Variants in PTPRN2 observed in about 807,000 individuals in gnomAD.
PTPRN2 encodes the protein receptor-type tyrosine-protein phosphatase N2.
Under a neutral mutation model 118.8 loss-of-function variants are expected in PTPRN2, and 74 were observed. That is an observed-to-expected ratio of 0.62 (90% CI 0.52 to 0.76). The LOEUF (loss-of-function observed/expected upper bound fraction) is 0.76, where lower values mean the gene tolerates loss of function less well. Ranked by LOEUF, PTPRN2 falls within the 30% of genes least tolerant of loss-of-function variation. The pLI, the probability that PTPRN2 is intolerant of heterozygous loss-of-function variation, is 0.00. For synonymous variants in PTPRN2, 641 were observed against 608.0 expected, an observed-to-expected ratio of 1.05 and a Z score of -0.80; for missense variants, 1,481 against 1,394.4, an observed-to-expected ratio of 1.06 and a Z score of -0.99.
chr7:157,697,764 C>T (rs1438632800), intron 12 of PTPRN2, among the ~76,000 whole-genome samples: 1 of 144,238 alleles, frequency 6.9e-6, no homozygotes, highest in Admixed American at 6.9e-5. Context: ...CCCATGCATA[C>T]TGGATCTTGG....
rs909526053 is a variant in PTPRN2 at position 157,629,356 on chromosome 7, G to C, written c.2197-7847C>G. Among the ~76,000 whole-genome samples the C allele has an allele frequency of 6.6e-6, 1 of 152,070 alleles. No homozygotes were observed. The highest frequency in any genetic ancestry group is 1.5e-5 in the Non-Finnish European group (1 of 68,016). Reference sequence around the variant, plus strand: ...TTATTTTGGCATCTATCTGTTGGCTGTAACAATGAAGAAGTGAGATACTGA... The same window carrying C: ...TTATTTTGGCATCTATCTGTTGGCTCTAACAATGAAGAAGTGAGATACTGA... On this transcript the variant is annotated intron_variant, in intron 14 of 22. Coordinates refer to ENST00000389418, the MANE Select transcript of PTPRN2 (RefSeq NM_002847.5). This position sits in a 1 kb window ranked among gnomAD's most constrained non-coding sequence, Gnocchi z 4.4.
intron 9 of PTPRN2, among the ~76,000 whole-genome samples, chr7:158,118,667 A>T (rs1816916262): frequency 6.6e-6 from 1 of 152,212 alleles, no homozygotes; most frequent in Non-Finnish European, 1.5e-5. Flanking sequence ...AGGGATATCT[A>T]TTTGCATTAA....
In PTPRN2 at chr7:158,093,796, A is replaced by G. The variant is rs1814405089; in HGVS notation, c.1644-12419T>C. On this transcript the variant is annotated intron_variant, in intron 10 of 22. Transcript: ENST00000389418. This position sits in a 1 kb window ranked among gnomAD's most constrained non-coding sequence, Gnocchi z 4.4. ...GAGGCAATAACTTCCCAAAATATCT[A>G]GCCTAAGAGCTTACAAAGGAGGAAG... 6.6e-6 allele frequency among the ~76,000 whole-genome samples: 1 copy of G among 152,196 alleles called. No individual in the cohort carries two copies. The highest frequency in any genetic ancestry group is 6.5e-5 in the Admixed American group (1 of 15,280).
chr7:157,540,722 G>C lies in PTPRN2; in HGVS notation c.3040C>G (p.Pro1014Ala). 6.4e-7 allele frequency: 1 copy of C among 1,563,708 alleles called. No individual in the cohort carries two copies. Residue 1014 changes from proline (P) to alanine (A), a missense_variant, in exon 23 of 23, where the codon CCC becomes GCC. Pro to Ala is a conservative substitution (Grantham distance 27). Coordinates refer to ENST00000389418, the MANE Select transcript of PTPRN2 (RefSeq NM_002847.5). ...EEVNAILKAL[P>A]Q ...GCCCCTGAGGCTGCCGCTCACTGGG[G>C]AAGGGCCTTGAGGATGGCGTTCACC...
At position 158,525,393 on chromosome 7, in the gene PTPRN2, G is replaced by A. The variant is rs1005069061; in HGVS notation, c.113-35608C>T. On this transcript the variant is annotated intron_variant, in intron 1 of 22. Transcript: ENST00000389418. This position sits in a 1 kb window ranked among gnomAD's most constrained non-coding sequence, Gnocchi z 4.1. ...CTAGGCCCCAGGGGCCATGGGCTACGCACGGGCCAGGTTTCCAGCCTGCCA... is the reference window on the plus strand; with the variant it reads ...CTAGGCCCCAGGGGCCATGGGCTACACACGGGCCAGGTTTCCAGCCTGCCA... 5.3e-5 allele frequency among the ~76,000 whole-genome samples: 8 copies of A among 152,214 alleles called. No homozygotes were observed. The highest frequency in any genetic ancestry group is 4.1e-4 in the South Asian group (2 of 4,836).
At chr7:157,755,310 G>T (rs531231720) in intron 12 of PTPRN2, among the ~76,000 whole-genome samples, 21 of 152,308 alleles carry the variant, frequency 1.4e-4, no homozygotes, top group Admixed American at 1.2e-3. Context: ...GCCAAATGTT[G>T]AGAAAATCTG....
At chr7:158,572,122 C>T (rs1018979593) in intron 1 of PTPRN2, among the ~76,000 whole-genome samples, 1 of 152,220 alleles carries the variant, frequency 6.6e-6, no homozygotes, top group Non-Finnish European at 1.5e-5. Flanking sequence ...AGGGCAGGGA[C>T]TCTGTCTTGC....
chr7:158,316,103 C>T (rs1027858018), intron 3 of PTPRN2, among the ~76,000 whole-genome samples: 7 of 152,194 alleles, frequency 4.6e-5, no homozygotes, highest in South Asian at 2.1e-4. Flanking sequence ...ATCAGCCAGC[C>T]GCCGGGGGGC....
intron 2 of PTPRN2, 124 bp from the exon 3 acceptor site, chr7:158,317,056 T>C: frequency 1.5e-6 from 1 of 672,060 alleles, no homozygotes; most frequent in Non-Finnish European, 2.4e-6. Flanking sequence ...GAGCACGGCG[T>C]CACCAGAGGG....
intron 3 of PTPRN2, among the ~76,000 whole-genome samples, chr7:158,247,906 G>A (rs377241331): frequency 1.3e-5 from 2 of 152,082 alleles, no homozygotes; most frequent in South Asian, 2.1e-4. Flanking sequence ...ATGATCCACC[G>A]CGCCCAGCCT....
intron 13 of PTPRN2, among the ~76,000 whole-genome samples, chr7:157,678,288 A>C (rs1796763497): frequency 6.6e-6 from 1 of 152,218 alleles, no homozygotes. Flanking sequence ...GCTGATTGAA[A>C]AGGCTTTGTT....
At chr7:158,423,032 C>T (rs1046043033) in intron 2 of PTPRN2, among the ~76,000 whole-genome samples, 8 of 152,212 alleles carry the variant, frequency 5.3e-5, no homozygotes, top group African/African-American at 1.7e-4. Flanking sequence ...GCCGATAAAC[C>T]CGAGACCACA....
At position 158,184,122 on chromosome 7, in the gene PTPRN2, G is replaced by A. The variant is rs912203392; in HGVS notation, c.549+8205C>T. 3.4e-4 allele frequency among the ~76,000 whole-genome samples: 52 copies of A among 152,158 alleles called. 1 individual carries two copies. Among genetic ancestry groups the A allele is most frequent in the Admixed American group, 2.7e-3 (42 of 15,284 alleles). On this transcript the variant is annotated intron_variant, in intron 5 of 22. Transcript: ENST00000389418. ...CGAAGAAGTGTCTTCTTTTGAAGAA[G>A]AAAATTTTTAAATTTTGACAAAGTT...
intron 11 of PTPRN2, among the ~76,000 whole-genome samples, chr7:157,928,810 A>C (rs1799181109): frequency 7.4e-6 from 1 of 134,384 alleles, no homozygotes; most frequent in Non-Finnish European, 1.6e-5. Flanking sequence ...AGAGGGCAGG[A>C]GAAAGGGCAG....
At chr7:158,207,953 T>G (rs986816154) in intron 3 of PTPRN2, among the ~76,000 whole-genome samples, 2 of 152,136 alleles carry the variant, frequency 1.3e-5, no homozygotes, top group African/African-American at 4.8e-5. Flanking sequence ...TTAGAATAAT[T>G]AAAAACAATC....
chr7:158,425,913 A>G (rs575311052), intron 2 of PTPRN2, among the ~76,000 whole-genome samples: 43 of 143,362 alleles, frequency 3.0e-4, no homozygotes, highest in Non-Finnish European at 5.1e-4. Context: ...GGAAAGACGC[A>G]GAGTCAGTCC....
At chr7:157,913,791 A>G (rs1798227196) in intron 11 of PTPRN2, among the ~76,000 whole-genome samples, 2 of 152,254 alleles carry the variant, frequency 1.3e-5, no homozygotes, top group East Asian at 3.9e-4. Flanking sequence ...TTTCTCTCTA[A>G]TTGTCATTCC....
rs1313074962 is a variant in PTPRN2 at position 157,603,138 on chromosome 7, C to T, written c.2418+864G>A. 6.6e-6 allele frequency among the ~76,000 whole-genome samples: 1 copy of T among 152,110 alleles called. No homozygotes were observed. The highest frequency in any genetic ancestry group is 1.5e-5 in the Non-Finnish European group (1 of 67,994). On this transcript the variant is annotated intron_variant, in intron 16 of 22. Coordinates refer to ENST00000389418, the MANE Select transcript of PTPRN2 (RefSeq NM_002847.5). This position sits in a 1 kb window ranked among gnomAD's most constrained non-coding sequence, Gnocchi z 5.4. ...CAAAGCCCCGGCCCTGGACAGTGTCCCATCCCGCCCCCGCCACCTGCCACC... is the reference window on the plus strand; with the variant it reads ...CAAAGCCCCGGCCCTGGACAGTGTCTCATCCCGCCCCCGCCACCTGCCACC...
chr7:158,384,700 T>C (rs1811200475), intron 2 of PTPRN2, among the ~76,000 whole-genome samples: 2 of 152,210 alleles, frequency 1.3e-5, no homozygotes, highest in Admixed American at 6.5e-5. Flanking sequence ...ACTGTGTGCA[T>C]AACACCCATC....
Sources: gnomAD v4.1 joint callset for allele counts (sites outside exome capture counted in the v4.1 genomes callset) on GRCh38, gnomAD v4.1.1 for gene constraint, Gnocchi (gnomAD v3.1) non-coding constraint, MANE v1.5 for transcripts, NCBI Gene and HGNC (gene_info 2026-07-23, HGNC 2026-07-21) for gene names.